ALG8: variants seen among roughly 807,000 people sequenced by gnomAD.
The protein encoded by ALG8 is ALG8 alpha-1,3-glucosyltransferase, also known as dolichyl pyrophosphate Glc1Man9GlcNAc2 alpha-1,3-glucosyltransferase.
ALG8 carries 48 observed loss-of-function variants against 70.2 expected under a neutral mutation model. The observed-to-expected ratio is 0.68, with a 90% confidence interval of 0.54 to 0.87. ALG8 has a LOEUF of 0.87. Ranked by LOEUF, ALG8 falls within the 40% of genes least tolerant of loss-of-function variation. ALG8 has a pLI of 0.00. For synonymous variants in ALG8, 234 were observed against 229.0 expected (o/e 1.02, Z -0.20); for missense variants, 572 against 608.7 (o/e 0.94, Z 0.64).
At chr11:78,128,303 G>C (rs767639767) in intron 1 of ALG8, among the ~76,000 whole-genome samples, 1 of 152,128 alleles carries the variant, frequency 6.6e-6, no homozygotes, top group African/African-American at 2.4e-5. Flanking sequence ...AGTACCTGAC[G>C]CATGGACAAG....
intron 9 of ALG8, among the ~76,000 whole-genome samples, chr11:78,108,987 T>G (rs1388958988): frequency 6.6e-6 from 1 of 152,238 alleles, no homozygotes; most frequent in Admixed American, 6.5e-5. Context: ...AGGCTCATCT[T>G]AGGCTCAAAA....
At chr11:78,123,315 G>GAAAAAAAAAAAA (rs1220218900) in intron 3 of ALG8, among the ~76,000 whole-genome samples, 143 of 88,262 alleles carry the variant, frequency 1.6e-3, no homozygotes, top group Non-Finnish European at 1.9e-3. Context: ...GGAAAAAAAA[G>GAAAAAAAAAAAA]AAAAAAAAAA....
intron 1 of ALG8, among the ~76,000 whole-genome samples, chr11:78,132,803 C>T (rs980071661): frequency 2.7e-5 from 4 of 149,886 alleles, no homozygotes; most frequent in Non-Finnish European, 5.9e-5. Flanking sequence ...CCTTCTTGGT[C>T]GCCTGATAGG....
chr11:78,121,232 C>T (rs774531870), intron 3 of ALG8, 58 bp from the exon 4 acceptor site: 1 of 1,179,636 alleles, frequency 8.5e-7, no homozygotes, highest in African/African-American at 1.5e-5. Context: ...CGGAACATCA[C>T]TTCTGCAGAG....
At chr11:78,110,995 G>A (rs994700375) in intron 8 of ALG8, among the ~76,000 whole-genome samples, 1 of 152,162 alleles carries the variant, frequency 6.6e-6, no homozygotes, top group African/African-American at 2.4e-5. Context: ...TATGCTGGCT[G>A]TTTAAAGCTT....
rs902182072 is a variant in ALG8 at position 78,139,318 on chromosome 11, C to T, written c.95+176G>A. On this transcript the variant is annotated intron_variant, in intron 1 of 12. Coordinates refer to ENST00000299626, the MANE Select transcript of ALG8 (RefSeq NM_024079.5). ...AGACAGCGCCAGGTCTGAACCTAGC[C>T]AGCTGGGGCTAAGTCAAGTAACAAC... The T allele has an allele frequency of 7.4e-6, 5 of 673,916 alleles. No individual in the cohort carries two copies. The African/African-American group carries it at 9.0e-5, about 12-fold the overall frequency. The allele number at this position is 673,916 out of a possible 1,614,324, so 41.7% of individuals were successfully genotyped here. A position where few individuals can be genotyped will look rare whatever the true frequency, so the allele number is the denominator to read the frequency against.
chr11:78,129,120 G>GT (rs1477851960), intron 1 of ALG8, among the ~76,000 whole-genome samples: 3 of 151,938 alleles, frequency 2.0e-5, no homozygotes, highest in Non-Finnish European at 4.4e-5. Flanking sequence ...GACACGTACT[G>GT]TAAGAATGTG....
intron 11 of ALG8, 148 bp from the exon 12 acceptor site, chr11:78,104,200 G>A (rs956719472): frequency 2.3e-5 from 21 of 924,660 alleles, no homozygotes; most frequent in Middle Eastern, 2.2e-4. Flanking sequence ...ATCTAGAGAT[G>A]CTGAGAATTA....
intron 7 of ALG8, 58 bp from the exon 8 acceptor site, chr11:78,112,828 A>C: frequency 6.3e-7 from 1 of 1,590,938 alleles, no homozygotes; most frequent in Non-Finnish European, 8.6e-7. Flanking sequence ...CAAATTCAAA[A>C]AGAGAACTAG....
intron 10 of ALG8, 67 bp from the exon 11 acceptor site, chr11:78,104,520 G>A (rs1859934568): frequency 7.2e-7 from 1 of 1,388,140 alleles, no homozygotes; most frequent in African/African-American, 1.4e-5. Context: ...TAAATAAACT[G>A]CATCTCCTAT....
At chr11:78,102,107 C>T (rs1367567419) in intron 12 of ALG8, among the ~76,000 whole-genome samples, 1 of 152,066 alleles carries the variant, frequency 6.6e-6, no homozygotes, top group African/African-American at 2.4e-5. Context: ...TTTGTTTAAC[C>T]ATTTTTAAGT....
chr11:78,130,845 A>T (rs959792014), intron 1 of ALG8, among the ~76,000 whole-genome samples: 1 of 152,050 alleles, frequency 6.6e-6, no homozygotes, highest in African/African-American at 2.4e-5. Flanking sequence ...GATGGATGCT[A>T]GACACCCTAG....
chr11:78,108,640 G>C (rs894476941), intron 9 of ALG8, among the ~76,000 whole-genome samples: 7 of 152,158 alleles, frequency 4.6e-5, no homozygotes, highest in African/African-American at 1.7e-4. Context: ...TGGCTGGAAG[G>C]CCATAGAAAC....
intron 1 of ALG8, among the ~76,000 whole-genome samples, chr11:78,132,214 G>A (rs1395167549): frequency 6.6e-6 from 1 of 152,150 alleles, no homozygotes; most frequent in Non-Finnish European, 1.5e-5. Flanking sequence ...CCCTAGCTAC[G>A]GCTCTTAAAC....
chr11:78,106,662 C>G, intron 10 of ALG8, 145 bp downstream of exon 10: 1 of 1,037,204 alleles, frequency 9.6e-7, no homozygotes, highest in Non-Finnish European at 1.5e-6. Context: ...GTTAAGCATC[C>G]CTGTCCTGTC....
intron 1 of ALG8, among the ~76,000 whole-genome samples, chr11:78,136,306 GA>G (rs56313232): frequency 0.24 from 30,690 of 128,892 alleles, 3,724 homozygotes; most frequent in African/African-American, 0.37. Flanking sequence ...CTACCAAAAA[GA>G]AAAAAAAAAA....
chr11:78,134,512 T>C (rs1050854665), intron 1 of ALG8, among the ~76,000 whole-genome samples: 1 of 152,216 alleles, frequency 6.6e-6, no homozygotes, highest in African/African-American at 2.4e-5. Context: ...TCACAAAAGA[T>C]TCCTCTAGTA....
chr11:78,137,090 G>A (rs1861588814), intron 1 of ALG8, among the ~76,000 whole-genome samples: 1 of 152,024 alleles, frequency 6.6e-6, no homozygotes, highest in Non-Finnish European at 1.5e-5. Context: ...TAGTAGAGAC[G>A]AGATTTCTCC....
chr11:78,126,105 G>A (rs1474989975), intron 2 of ALG8, among the ~76,000 whole-genome samples: 1 of 152,034 alleles, frequency 6.6e-6, no homozygotes, highest in Non-Finnish European at 1.5e-5. Flanking sequence ...CTTGCAGTGA[G>A]CAGAGATCGC....
Sources: allele counts gnomAD v4.1 joint callset (sites outside exome capture counted in the v4.1 genomes callset), GRCh38; gene constraint gnomAD v4.1.1; transcripts MANE v1.5; gene names NCBI Gene and HGNC (gene_info 2026-07-23, HGNC 2026-07-21).